The following CCDC60 variants were observed in gnomAD, a reference collection of about 807,000 sequenced individuals.
The protein encoded by CCDC60 is coiled-coil domain containing 60.
In CCDC60, 54 loss-of-function variants were observed where a neutral mutation model predicts 63.5. That is an observed-to-expected ratio of 0.85 (90% CI 0.68 to 1.07). The LOEUF is 1.07. Ranked by LOEUF, CCDC60 falls within the 50% of genes least tolerant of loss-of-function variation. The pLI is 0.00. For missense variants in CCDC60, 651 were observed against 684.3 expected (o/e 0.95, Z 0.54); for synonymous variants, 206 against 238.8 (o/e 0.86, Z 1.27).
intron 1 of CCDC60, among the ~76,000 whole-genome samples, chr12:119,354,416 G>A (rs1475020381): frequency 6.6e-6 from 1 of 152,166 alleles, no homozygotes; most frequent in South Asian, 2.1e-4. Context: ...AGATAAGATT[G>A]ATAACAGAGT....
chr12:119,508,375 G>A (rs1462364395), intron 7 of CCDC60, among the ~76,000 whole-genome samples: 1 of 152,088 alleles, frequency 6.6e-6, no homozygotes, highest in Middle Eastern at 3.4e-3. Flanking sequence ...CAGCTACTCA[G>A]GAGGCTGAGG....
intron 11 of CCDC60, among the ~76,000 whole-genome samples, chr12:119,524,681 G>C (rs538553187): frequency 3.4e-5 from 5 of 146,160 alleles, no homozygotes; most frequent in South Asian, 2.2e-4. Context: ...CCTCAGAAAG[G>C]TTTCCTTGGA....
At chr12:119,437,399 C>T (rs537694541) in intron 2 of CCDC60, among the ~76,000 whole-genome samples, 1 of 152,160 alleles carries the variant, frequency 6.6e-6, no homozygotes, top group Non-Finnish European at 1.5e-5. Context: ...GCATTCCAGG[C>T]AGCTACCACC....
chr12:119,534,674 CAT>C (rs1952950363), intron 13 of CCDC60, among the ~76,000 whole-genome samples: 1 of 152,146 alleles, frequency 6.6e-6, no homozygotes, highest in African/African-American at 2.4e-5. Context: ...TTGAGATAAT[CAT>C]GTGGTTTTTG....
chr12:119,397,805 A>G (rs9971832), intron 1 of CCDC60, among the ~76,000 whole-genome samples: 7 of 56 alleles, frequency 0.12, no homozygotes, highest in Admixed American at 0.25. Flanking sequence ...CAGGGTGGGG[A>G]AGGGGGGAGG....
rs749160310 is a variant in CCDC60, at chr12:119,488,820, C to A, written c.511C>A (p.His171Asn). 6.2e-7 allele frequency: 1 copy of A among 1,614,170 alleles called. No individual in the cohort carries two copies. Among genetic ancestry groups the A allele is most frequent in the East Asian group, 2.2e-5 (1 of 44,886 alleles). ...HWLLEALTID[H>N]THHTMKPVIT... ...GCTTCTGGAGGCCCTGACTATTGAC[C>A]ACACCCACCACACCATGAAGCCTGT... Residue 171 changes from histidine to asparagine, a missense_variant, in exon 5 of 14, where the codon CAC becomes AAC. His to Asn is a moderately conservative substitution (Grantham distance 68). Transcript: ENST00000327554.
intron 2 of CCDC60, among the ~76,000 whole-genome samples, chr12:119,457,472 T>C (rs1394708468): frequency 1.3e-5 from 2 of 152,226 alleles, no homozygotes; most frequent in African/African-American, 4.8e-5. Context: ...GACCCAGGGA[T>C]AGCAAGGAGA....
chr12:119,423,958 T>C (rs1427990645), intron 1 of CCDC60, among the ~76,000 whole-genome samples: 1 of 152,226 alleles, frequency 6.6e-6, no homozygotes, highest in African/African-American at 2.4e-5. Context: ...TTAGTCAAAA[T>C]TGCTTTACAA....
rs147902945 is a variant in CCDC60 at position 119,352,243 on chromosome 12, T to C, written c.90+16977T>C. ...AATCCACCCACATGATCCAGTCGCC[T>C]TCTACCAGACCCCACCTCCAACACT... is the stretch of plus-strand genomic sequence containing the variant. On this transcript the variant is annotated intron_variant, in intron 1 of 13. Transcript: ENST00000327554. 1.8e-4 allele frequency among the ~76,000 whole-genome samples: 28 copies of C among 152,352 alleles called. No homozygotes were observed. In the East Asian group the frequency reaches 2.3e-3, roughly 13 times the overall value.
chr12:119,397,153 G>A (rs776030810), intron 1 of CCDC60, among the ~76,000 whole-genome samples: 5 of 152,212 alleles, frequency 3.3e-5, no homozygotes, highest in Non-Finnish European at 5.9e-5. Flanking sequence ...TGAAGCTGCA[G>A]ACCTTCATGG....
At position 119,530,905 on chromosome 12, in the gene CCDC60, G is replaced by A. The variant is rs759169633; in HGVS notation, c.1393G>A (p.Asp465Asn). 3.1e-6 allele frequency: 5 copies of A among 1,614,072 alleles called. No homozygotes were observed. The highest frequency in any genetic ancestry group is 2.5e-6 in the Non-Finnish European group (3 of 1,179,992). Residue 465 changes from aspartate (D) to asparagine (N), a missense_variant, in exon 13 of 14, where the codon GAT becomes AAT. Physicochemically the swap from Asp to Asn is conservative, Grantham distance 23. Transcript: ENST00000327554. ...TGATCTGTTGTCCAAACTGCCAGAG[G>A]ATCTAAAGAACTTCCGCCCCGCCAA... ...YFDLLSKLPE[D>N]LKNFRPAKKI... is the part of the protein sequence containing the mutation.
intron 1 of CCDC60, among the ~76,000 whole-genome samples, chr12:119,412,359 G>T (rs1956618248): frequency 2.0e-5 from 3 of 152,172 alleles, no homozygotes; most frequent in Admixed American, 2.0e-4. Flanking sequence ...TTGTTGCAGA[G>T]ATGTCAACTT....
At chr12:119,494,280 G>A (rs1322775645) in intron 5 of CCDC60, among the ~76,000 whole-genome samples, 1 of 152,174 alleles carries the variant, frequency 6.6e-6, no homozygotes, top group Non-Finnish European at 1.5e-5. Flanking sequence ...TAGTTACAGT[G>A]GAGAAGAAAC....
intron 1 of CCDC60, among the ~76,000 whole-genome samples, chr12:119,378,231 G>A (rs1420128582): frequency 6.6e-6 from 1 of 152,172 alleles, no homozygotes; most frequent in African/African-American, 2.4e-5. Context: ...GGTTGACAAA[G>A]AAAAGGGAAG....
At chr12:119,406,176 A>ATAT (rs1565991338) in intron 1 of CCDC60, among the ~76,000 whole-genome samples, 7 of 143,782 alleles carry the variant, frequency 4.9e-5, no homozygotes, top group African/African-American at 1.8e-4. Context: ...TGTCTCAAAA[A>ATAT]ATATATATAT....
intron 1 of CCDC60, among the ~76,000 whole-genome samples, chr12:119,357,467 T>C (rs1245750918): frequency 6.6e-6 from 1 of 152,070 alleles, no homozygotes; most frequent in Non-Finnish European, 1.5e-5. Flanking sequence ...GCTTTTTTTT[T>C]TTTTGAGATG....
At chr12:119,523,422 A>T (rs539639534) in intron 10 of CCDC60, among the ~76,000 whole-genome samples, 1 of 152,316 alleles carries the variant, frequency 6.6e-6, no homozygotes, top group Non-Finnish European at 1.5e-5. Flanking sequence ...TCCCGTCCTT[A>T]ACATTTGCTG....
intron 1 of CCDC60, among the ~76,000 whole-genome samples, chr12:119,344,274 T>C (rs1176839217): frequency 2.0e-5 from 3 of 152,122 alleles, no homozygotes; most frequent in African/African-American, 2.4e-5. Flanking sequence ...CCATCCACAG[T>C]TGAGAATCAC....
At chr12:119,468,253 C>T (rs1402878718) in intron 2 of CCDC60, among the ~76,000 whole-genome samples, 1 of 152,084 alleles carries the variant, frequency 6.6e-6, no homozygotes, top group African/African-American at 2.4e-5. Context: ...GATCGCACCA[C>T]TACACTCCAG....
Sources: gnomAD v4.1 joint callset for allele counts (sites outside exome capture counted in the v4.1 genomes callset) on GRCh38, gnomAD v4.1.1 for gene constraint, MANE v1.5 for transcripts, NCBI Gene and HGNC (gene_info 2026-07-23, HGNC 2026-07-21) for gene names.